The following ATAD2B variants were observed in gnomAD, a reference collection of about 807,000 sequenced individuals.
The protein encoded by ATAD2B is ATPase family AAA domain-containing protein 2B.
Under a neutral mutation model 167.6 loss-of-function variants are expected in ATAD2B, and 40 were observed. That is an observed-to-expected ratio of 0.24 (90% CI 0.19 to 0.31). ATAD2B has a LOEUF of 0.31. Ranked by LOEUF, ATAD2B falls within the 10% of genes least tolerant of loss-of-function variation. ATAD2B has a pLI of 1.00. For missense variants in ATAD2B, 1,242 were observed against 1,757.2 expected (o/e 0.71, Z 5.24); for synonymous variants, 579 against 596.5 (o/e 0.97, Z 0.43).
intron 25 of ATAD2B, among the ~76,000 whole-genome samples, chr2:23,756,465 G>A (rs942653019): frequency 2.0e-5 from 3 of 152,118 alleles, no homozygotes; most frequent in Non-Finnish European, 2.9e-5. Flanking sequence ...ACAATTTAGA[G>A]AAAATAATAT....
chr2:23,901,710 G>C (rs1236693358), intron 1 of ATAD2B, among the ~76,000 whole-genome samples: 1 of 152,022 alleles, frequency 6.6e-6, no homozygotes, highest in Non-Finnish European at 1.5e-5. Context: ...AAGGCTTTTT[G>C]CTGCAAAACT....
intron 25 of ATAD2B, chr2:23,755,158 G>GCTTTTT: frequency 6.5e-6 from 1 of 154,008 alleles, no homozygotes; most frequent in Non-Finnish European, 1.4e-5. Context: ...ACCTAGAAAA[G>GCTTTTT]CAGATACTAA....
In ATAD2B at chr2:23,750,265, C is replaced by T. The variant is rs777745601; in HGVS notation, c.*1781G>A. The T allele has an allele frequency of 1.3e-5, 2 of 151,934 alleles. No individual in the cohort carries two copies. Among genetic ancestry groups the T allele is most frequent in the African/African-American group, 2.4e-5 (1 of 41,366 alleles). The allele number at this position is 151,934 out of a possible 1,614,324, so 9.4% of individuals were successfully genotyped here. Reference sequence around the variant, plus strand: ...GTAGCATCTTGACTTGTATGACTAACTGGATATTACAGAAACTTCACAGAC... The same window carrying T: ...GTAGCATCTTGACTTGTATGACTAATTGGATATTACAGAAACTTCACAGAC... On this transcript the variant is annotated 3_prime_UTR_variant, in exon 28 of 28. Transcript: ENST00000238789.
chr2:23,714,239 C>CTT, the ATAD2B span, among the ~76,000 whole-genome samples: 23 of 136,478 alleles, frequency 1.7e-4, no homozygotes, highest in African/African-American at 3.5e-4. Flanking sequence ...TCTCAAAATA[C>CTT]TTTTTTTTTT....
intron 18 of ATAD2B, among the ~76,000 whole-genome samples, chr2:23,803,703 T>C (rs774850221): frequency 5.3e-5 from 8 of 152,218 alleles, no homozygotes; most frequent in Non-Finnish European, 7.3e-5. Flanking sequence ...AGTTCTGTCA[T>C]GTATATTCTT....
At chr2:23,694,447 A>G in the ATAD2B span, among the ~76,000 whole-genome samples, 4 of 151,460 alleles carry the variant, frequency 2.6e-5, no homozygotes, top group Admixed American at 1.3e-4. Context: ...CTCCAAATCC[A>G]TTTTCCACCC....
At chr2:23,774,104 TA>T (rs1451067673) in intron 22 of ATAD2B, among the ~76,000 whole-genome samples, 2 of 152,206 alleles carry the variant, frequency 1.3e-5, no homozygotes, top group African/African-American at 4.8e-5. Flanking sequence ...AGAGTAACCA[TA>T]TTTTTAAGAA....
At chr2:23,872,851 G>T in intron 8 of ATAD2B, 1 of 954,906 alleles carries the variant, frequency 1.0e-6, no homozygotes, top group Non-Finnish European at 1.7e-6. Context: ...TGAAGCAGAT[G>T]TCAAACTCAT....
the ATAD2B span, among the ~76,000 whole-genome samples, chr2:23,713,393 T>G: frequency 8.2e-6 from 1 of 121,800 alleles, no homozygotes. Flanking sequence ...TAGCCCCTTT[T>G]TTATGGAGGT....
At position 23,783,012 on chromosome 2, in the gene ATAD2B, T is replaced by C; in HGVS notation, c.2990A>G (p.Glu997Gly). Reference protein sequence around the residue: ...VDIEEVSDYLEVIKEPMDLST... With the variant: ...VDIEEVSDYLGVIKEPMDLST... ...TAAGTCCATTGGTTCCTTGATTACT[T>C]CAAGATAATCTGAAACCTAAAACAG... The change falls in exon 22 of 28, where the codon GAA becomes GGA. Residue 997 changes from glutamate (E) to glycine (G), a missense_variant. Glu to Gly is a moderately conservative substitution (Grantham distance 98). Transcript: ENST00000238789. 6.5e-7 allele frequency: 1 copy of C among 1,528,228 alleles called. No homozygotes were observed. The highest frequency in any genetic ancestry group is 9.0e-7 in the Non-Finnish European group (1 of 1,112,914). 94.7% of individuals were successfully genotyped at this position (1,528,228 alleles called of 1,614,324 possible).
intron 24 of ATAD2B, among the ~76,000 whole-genome samples, chr2:23,760,208 T>C (rs1215117140): frequency 6.6e-6 from 1 of 152,228 alleles, no homozygotes; most frequent in Non-Finnish European, 1.5e-5. Context: ...CTCTTCCTTA[T>C]ATAATTATTT....
At chr2:23,695,591 T>G in the ATAD2B span, 4 of 1,482,816 alleles carry the variant, frequency 2.7e-6, no homozygotes, top group Non-Finnish European at 3.6e-6. The surrounding 1 kb of genome is among the most constrained non-coding windows in gnomAD (Gnocchi z 7.6). Flanking sequence ...CTCTTGCTAG[T>G]CTAAGAAGAT....
chr2:23,700,621 A>G, the ATAD2B span, among the ~76,000 whole-genome samples: 1 of 152,232 alleles, frequency 6.6e-6, no homozygotes, highest in Admixed American at 6.5e-5. The surrounding 1 kb of genome is among the most constrained non-coding windows in gnomAD (Gnocchi z 4.6). Flanking sequence ...AACATTCATC[A>G]GCATTCCATT....
chr2:23,763,496 T>C (rs1326158419), intron 23 of ATAD2B, among the ~76,000 whole-genome samples: 2 of 152,244 alleles, frequency 1.3e-5, no homozygotes, highest in Non-Finnish European at 2.9e-5. Context: ...CCACTTTTTG[T>C]CTCTATAGAC....
At chr2:23,892,816 G>C (rs1699723279) in intron 2 of ATAD2B, among the ~76,000 whole-genome samples, 1 of 152,220 alleles carries the variant, frequency 6.6e-6, no homozygotes, top group Middle Eastern at 3.4e-3. Flanking sequence ...CTGTATCTTA[G>C]AGTATGCGTA....
At position 23,863,465 on chromosome 2, in the gene ATAD2B, C is replaced by T. The variant is rs758358531; in HGVS notation, c.1395G>A (p.Val465=). The T allele has an allele frequency of 2.4e-5, 37 of 1,554,684 alleles. No homozygotes were observed. Among genetic ancestry groups the T allele is most frequent in the Non-Finnish European group, 3.0e-5 (34 of 1,148,474 alleles). Reference sequence around the variant, plus strand: ...CTGCTCCTTTTCGCATAAAAAAAGCCACTTTTTTGTCTCCTTGGCTGCATT... The same window carrying T: ...CTGCTCCTTTTCGCATAAAAAAAGCTACTTTTTTGTCTCCTTGGCTGCATT... ...ANECSQGDKK[V]AFFMRKGADC... The change falls in exon 12 of 28, where the codon GTG becomes GTA. Residue 465 remains valine (V), a synonymous_variant. Coordinates refer to ENST00000238789, the MANE Select transcript of ATAD2B (RefSeq NM_017552.4).
rs1266006274 is a variant in ATAD2B at position 23,823,346 on chromosome 2, T to C, written c.2043A>G (p.Pro681=). ...TGTTGTTGAAGCTTCTTTCCAGCAG[T>C]GGTCTTATGATGGGGGATAGTGCAT... ...SGHALSPIIR[P]LLERSFNNIL... is the part of the protein sequence containing the mutation. Residue 681 remains proline (P), a synonymous_variant, in exon 16 of 28, where the codon CCA becomes CCG. Transcript: ENST00000238789. The C allele has an allele frequency of 1.2e-6, 2 of 1,613,692 alleles. No homozygotes were observed. Among genetic ancestry groups the C allele is most frequent in the Middle Eastern group, 1.6e-4 (1 of 6,084 alleles).
Position 23,914,566 on chromosome 2 carries a change from G to A in ATAD2B, c.216+11989C>T, listed in dbSNP as rs142703414. Among the ~76,000 whole-genome samples the A allele has an allele frequency of 1.5e-3, 233 of 152,192 alleles. 2 individuals are homozygous for A. The highest frequency in any genetic ancestry group is 5.0e-3 in the African/African-American group (206 of 41,536). Reference sequence around the variant, plus strand: ...GAGATACAAGAACTCTCGGCCCGGCGCGGTGGCTCACACCTGTAATCCCAG... The same window carrying A: ...GAGATACAAGAACTCTCGGCCCGGCACGGTGGCTCACACCTGTAATCCCAG... On this transcript the variant is annotated intron_variant, in intron 1 of 27. Transcript: ENST00000238789.
At chr2:23,890,934 GTCA>G (rs1169621260) in intron 2 of ATAD2B, among the ~76,000 whole-genome samples, 4 of 151,792 alleles carry the variant, frequency 2.6e-5, no homozygotes, top group Admixed American at 2.0e-4. Flanking sequence ...ATAGATTATT[GTCA>G]TCATCATCTT....
Sources: gnomAD v4.1 joint callset for allele counts (sites outside exome capture counted in the v4.1 genomes callset) on GRCh38, gnomAD v4.1.1 for gene constraint, Gnocchi (gnomAD v3.1) non-coding constraint, MANE v1.5 for transcripts, NCBI Gene and HGNC (gene_info 2026-07-23, HGNC 2026-07-21) for gene names.